TBX1: variants seen among roughly 807,000 people sequenced by gnomAD.
TBX1 encodes T-box transcription factor TBX1.
TBX1 carries 16 observed loss-of-function variants against 40.8 expected under a neutral mutation model. The observed-to-expected ratio is 0.39, with a 90% CI of 0.27 to 0.60. The LOEUF (loss-of-function observed/expected upper bound fraction) is 0.60, where lower values mean the gene tolerates loss of function less well. Among genes scored for constraint, TBX1 ranks in the 20% least tolerant of loss-of-function variants. The pLI is 0.51. For missense variants in TBX1, 755 were observed against 728.5 expected (o/e 1.04, Z -0.42); for synonymous variants, 403 against 336.8 (o/e 1.20, Z -2.15).
Position 19,764,143 on chromosome 22 carries a change from G to C in TBX1, c.540-12G>C. 1.9e-6 allele frequency: 3 copies of C among 1,612,608 alleles called. No homozygotes were observed. Among genetic ancestry groups the C allele is most frequent in the Non-Finnish European group, 2.5e-6 (3 of 1,179,852 alleles). On this transcript the variant is annotated splice_polypyrimidine_tract_variant and intron_variant, in intron 2 of 6. Coordinates refer to ENST00000649276, the MANE Select transcript of TBX1 (RefSeq NM_001379200.1). ...ACCTCCACATGCACGACCCCACCCC[G>C]TGCCGCTCCAGGTACGCCTTCCACA... is the stretch of plus-strand genomic sequence containing the variant.
downstream of TBX1, among the ~76,000 whole-genome samples, chr22:19,780,959 G>C (rs41298032): frequency 6.6e-6 from 1 of 151,640 alleles, no homozygotes; most frequent in African/African-American, 2.4e-5. Flanking sequence ...ATTTTTTGTA[G>C]TTTTAGTAGA....
chr22:19,776,777 G>A (rs937026195), intron 8 of TBX1, among the ~76,000 whole-genome samples: 1 of 152,220 alleles, frequency 6.6e-6, no homozygotes, highest in East Asian at 1.9e-4. Flanking sequence ...CTCTGCCAAT[G>A]AGTGGATGAA....
At chr22:19,759,661 C>G (rs2145824618), upstream of TBX1, 6 of 1,612,574 alleles carry the variant, frequency 3.7e-6, no homozygotes, top group African/African-American at 4.0e-5. Flanking sequence ...TCAGCACCGT[C>G]ACCAGGGACA....
chr22:19,760,317 A>G (rs1936603310), upstream of TBX1, among the ~76,000 whole-genome samples: 1 of 151,188 alleles, frequency 6.6e-6, no homozygotes, highest in Non-Finnish European at 1.5e-5. Flanking sequence ...AAATAAAGTG[A>G]AAAGGAAGGC....
upstream of TBX1, chr22:19,756,791 C>G (rs908301283): frequency 6.6e-6 from 1 of 152,270 alleles, no homozygotes; most frequent in Admixed American, 6.5e-5. Context: ...TGAGGCGCTG[C>G]GTTCGCGTGC....
intron 8 of TBX1, among the ~76,000 whole-genome samples, chr22:19,778,615 A>C (rs550229987): frequency 1.3e-5 from 2 of 151,298 alleles, no homozygotes; most frequent in African/African-American, 4.9e-5. Flanking sequence ...TTGTATTTTC[A>C]GTAGAGACGG....
At chr22:19,777,408 G>A (rs1415528718) in intron 8 of TBX1, among the ~76,000 whole-genome samples, 1 of 152,188 alleles carries the variant, frequency 6.6e-6, no homozygotes, top group East Asian at 1.9e-4. Flanking sequence ...TTTTATGGCT[G>A]CATAGTATTC....
upstream of TBX1, among the ~76,000 whole-genome samples, chr22:19,759,199 G>A (rs981862557): frequency 1.3e-5 from 2 of 152,242 alleles, no homozygotes; most frequent in Non-Finnish European, 2.9e-5. Context: ...CAGGAGCAAC[G>A]GGATGTTCAA....
chr22:19,769,621 C>T (rs548193310), downstream of TBX1, among the ~76,000 whole-genome samples: 14 of 152,356 alleles, frequency 9.2e-5, no homozygotes, highest in African/African-American at 3.4e-4. Context: ...TGGCTGATGC[C>T]CCAGCCACTA....
chr22:19,764,421 C>T (rs1327596933), intron 3 of TBX1, 95 bp downstream of exon 3: 3 of 1,507,170 alleles, frequency 2.0e-6, no homozygotes, highest in Admixed American at 1.7e-5. Context: ...TCCCCAGGCC[C>T]CCGGCTGTCC....
At chr22:19,772,205 C>T (rs1048769502), downstream of TBX1, among the ~76,000 whole-genome samples, 1 of 152,130 alleles carries the variant, frequency 6.6e-6, no homozygotes, top group Non-Finnish European at 1.5e-5. Context: ...TGGGTTCAAG[C>T]GATTCTCCTG....
chr22:19,759,643 G>A (rs776065724), upstream of TBX1: 6 of 1,612,438 alleles, frequency 3.7e-6, no homozygotes, highest in African/African-American at 1.3e-5. Context: ...CCCCGGCAGG[G>A]ATGCACTTCA....
chr22:19,766,053 C>G, intron 6 of TBX1, 51 bp downstream of exon 6: 1 of 1,394,040 alleles, frequency 7.2e-7, no homozygotes, highest in Non-Finnish European at 9.4e-7. Flanking sequence ...GCGCTCTACC[C>G]CGGGCCGGCG....
At chr22:19,762,764 C>T (rs992186210) in intron 1 of TBX1, among the ~76,000 whole-genome samples, 1 of 151,944 alleles carries the variant, frequency 6.6e-6, no homozygotes, top group African/African-American at 2.4e-5. Flanking sequence ...GGGTAACAGC[C>T]GAAGACCCAG....
Position 19,762,550 on chromosome 22 carries a change from C to T in TBX1, c.438-691C>T, listed in dbSNP as rs147016496. On this transcript the variant is annotated intron_variant, in intron 1 of 6. Transcript: ENST00000649276. ...CTGGTCACTGAGCCAGGGTCCAAAG[C>T]GGGGGAGATTTGAGGAACAGGAAAG... 2.7e-3 allele frequency among the ~76,000 whole-genome samples: 409 copies of T among 152,298 alleles called. 4 individuals carry two copies. The highest frequency in any genetic ancestry group is 3.4e-3 in the Non-Finnish European group (233 of 68,024).
chr22:19,763,878 G>A (rs1936748031), intron 2 of TBX1, among the ~76,000 whole-genome samples: 2 of 152,142 alleles, frequency 1.3e-5, no homozygotes, highest in Admixed American at 6.5e-5. Flanking sequence ...GGGAGGACCC[G>A]CATCCAGCGA....
chr22:19,766,404 G>C lies in TBX1; in HGVS notation c.1052G>C (p.Arg351Pro). ...CTCTCCGCAGACGCGGCTGAGGCCC[G>C]GCGAGAATTCCAGCGCGACGCGGGC... ...SGTEKDAAEA[R>P]REFQRDAGGP... The change falls in exon 7 of 7, where the codon CGG becomes CCG. Residue 351 changes from arginine (R) to proline (P), a missense_variant. By Grantham distance (103) the Arg-to-Pro change is moderately radical. Transcript: ENST00000649276. The C allele has an allele frequency of 7.5e-7, 1 of 1,341,888 alleles. No individual in the cohort carries two copies. The highest frequency in any genetic ancestry group is 3.2e-5 in the East Asian group (1 of 30,854). 83.1% of individuals were successfully genotyped at this position (1,341,888 alleles called of 1,614,324 possible).
At chr22:19,758,634 G>A (rs983699994), upstream of TBX1, among the ~76,000 whole-genome samples, 18 of 152,158 alleles carry the variant, frequency 1.2e-4, no homozygotes, top group Admixed American at 2.0e-4. Flanking sequence ...ACATGTCCTC[G>A]TGTCCTCGGC....
downstream of TBX1, among the ~76,000 whole-genome samples, chr22:19,780,130 A>T (rs1739746590): frequency 6.6e-6 from 1 of 152,242 alleles, no homozygotes; most frequent in South Asian, 2.1e-4. Context: ...AAATACACGT[A>T]AATCAAATTT....
Sources: allele counts gnomAD v4.1 joint callset (sites outside exome capture counted in the v4.1 genomes callset), GRCh38; gene constraint gnomAD v4.1.1; transcripts MANE v1.5; gene names NCBI Gene and HGNC (gene_info 2026-07-23, HGNC 2026-07-21).